ABI3BP: variants seen among roughly 807,000 people sequenced by gnomAD.
The protein encoded by ABI3BP is ABI family member 3 binding protein.
ABI3BP carries 216 observed loss-of-function variants against 268.6 expected under a neutral mutation model. The observed-to-expected ratio is 0.80, with a 90% CI of 0.72 to 0.90. The LOEUF (loss-of-function observed/expected upper bound fraction) is 0.90, where lower values mean the gene tolerates loss of function less well. Among genes scored for constraint, ABI3BP ranks in the 40% least tolerant of loss-of-function variants. ABI3BP has a pLI of 0.00. For missense variants in ABI3BP, 2,090 were observed against 2,182.4 expected (o/e 0.96, Z 0.84); for synonymous variants, 730 against 730.0 (o/e 1.00, Z 0.00).
chr3:100,802,298 T>C (rs968107151), intron 51 of ABI3BP, among the ~76,000 whole-genome samples: 1 of 152,212 alleles, frequency 6.6e-6, no homozygotes, highest in African/African-American at 2.4e-5. Context: ...TTGCTCCTGA[T>C]GACTGAAACC....
intron 17 of ABI3BP, among the ~76,000 whole-genome samples, 199 bp from the exon 18 acceptor site, chr3:100,849,074 T>C (rs1349722244): frequency 6.6e-6 from 1 of 151,952 alleles, no homozygotes; most frequent in Non-Finnish European, 1.5e-5. Flanking sequence ...ATAAAATTTC[T>C]ACATGAGAAT....
intron 66 of ABI3BP, among the ~76,000 whole-genome samples, 189 bp from the exon 67 acceptor site, chr3:100,751,863 A>G (rs1207436566): frequency 6.6e-6 from 1 of 152,182 alleles, no homozygotes; most frequent in Non-Finnish European, 1.5e-5. Flanking sequence ...TCTTTTAAAA[A>G]TGCATGTCAG....
chr3:100,916,380 G>A (rs1282466296), intron 2 of ABI3BP, among the ~76,000 whole-genome samples: 1 of 152,152 alleles, frequency 6.6e-6, no homozygotes. Context: ...GGGGAGTCAG[G>A]AATAATTTAC....
intron 27 of ABI3BP, among the ~76,000 whole-genome samples, chr3:100,836,501 G>A (rs889688824): frequency 1.3e-5 from 2 of 152,170 alleles, no homozygotes; most frequent in East Asian, 3.9e-4. Flanking sequence ...CCACCACTGA[G>A]AGCATCTTCA....
At chr3:100,863,322 CTT>C (rs566804509) in intron 12 of ABI3BP, 12 of 149,718 alleles carry the variant, frequency 8.0e-5, no homozygotes, top group South Asian at 2.0e-4. Flanking sequence ...CCCCCAACCT[CTT>C]TTTTTTTTTT....
At chr3:100,904,576 C>T (rs1278093517) in intron 2 of ABI3BP, among the ~76,000 whole-genome samples, 1 of 152,150 alleles carries the variant, frequency 6.6e-6, no homozygotes, top group African/African-American at 2.4e-5. Context: ...GAGGGGGACA[C>T]ACAGAGCTGT....
intron 29 of ABI3BP, among the ~76,000 whole-genome samples, chr3:100,834,080 C>G (rs1001186918): frequency 1.3e-5 from 2 of 152,134 alleles, no homozygotes; most frequent in Admixed American, 1.3e-4. Context: ...AAGCGATCCT[C>G]CCACCTCATT....
chr3:100,894,956 A>AAAAAAAAAAAAAAAAAAAACAAAC (rs1554076985), intron 4 of ABI3BP, among the ~76,000 whole-genome samples: 1 of 131,440 alleles, frequency 7.6e-6, no homozygotes, highest in Admixed American at 7.6e-5. Flanking sequence ...AAAAAAAAAA[A>AAAAAAAAAAAAAAAAAAAACAAAC]AAAAAAAAAA....
chr3:100,913,017 G>A (rs756951287), intron 2 of ABI3BP, among the ~76,000 whole-genome samples: 43 of 152,322 alleles, frequency 2.8e-4, no homozygotes, highest in Non-Finnish European at 4.4e-4. Flanking sequence ...AGGCAGAGGC[G>A]GGCAGGCCTG....
At chr3:100,868,182 T>G (rs1350393310) in intron 9 of ABI3BP, among the ~76,000 whole-genome samples, 1 of 152,232 alleles carries the variant, frequency 6.6e-6, no homozygotes, top group East Asian at 1.9e-4. Flanking sequence ...ATACAGAACT[T>G]AGATTTCCCA....
intron 22 of ABI3BP, 117 bp downstream of exon 22, chr3:100,840,701 ACT>A: frequency 1.3e-6 from 1 of 798,498 alleles, no homozygotes; most frequent in Non-Finnish European, 1.9e-6. Flanking sequence ...AGAACAGAGC[ACT>A]CACACACACA....
chr3:100,811,322 T>A, intron 47 of ABI3BP, 45 bp from the exon 48 acceptor site: 1 of 1,387,670 alleles, frequency 7.2e-7, no homozygotes, highest in Non-Finnish European at 9.7e-7. Flanking sequence ...TGTAAGATAT[T>A]AAGCTATAGC....
At position 100,751,853 on chromosome 3, in the gene ABI3BP, T is replaced by A. The variant is rs533443746; in HGVS notation, c.5123-179A>T. 2.6e-5 allele frequency among the ~76,000 whole-genome samples: 4 copies of A among 152,360 alleles called. No individual in the cohort carries two copies. In the South Asian group the frequency reaches 8.3e-4, roughly 32 times the overall value. On this transcript the variant is annotated intron_variant, in intron 66 of 67. Transcript: ENST00000471714. ...TCCCCTCCCTTTCAGGGATTAGTGATCTTTTAAAAATGCATGTCAGTTAAT... is the reference window on the plus strand; with the variant it reads ...TCCCCTCCCTTTCAGGGATTAGTGAACTTTTAAAAATGCATGTCAGTTAAT...
intron 9 of ABI3BP, among the ~76,000 whole-genome samples, 162 bp downstream of exon 9, chr3:100,874,679 G>A (rs2099142877): frequency 6.6e-6 from 1 of 152,032 alleles, no homozygotes; most frequent in South Asian, 2.1e-4. Flanking sequence ...CTTATAGAAT[G>A]TTATTTATAA....
intron 25 of ABI3BP, 33 bp downstream of exon 25, chr3:100,838,369 T>C: frequency 6.5e-7 from 1 of 1,532,158 alleles, no homozygotes; most frequent in South Asian, 1.2e-5. Context: ...TGTTTTCCTA[T>C]TTATAGATCA....
intron 66 of ABI3BP, 121 bp downstream of exon 66, chr3:100,752,666 A>G (rs1432882213): frequency 6.6e-6 from 7 of 1,059,646 alleles, no homozygotes; most frequent in Non-Finnish European, 9.5e-6. Context: ...TGCTCAGAGG[A>G]AAACTTGTGT....
rs142302082 is a variant in ABI3BP, at chr3:100,821,239, CTG to C, written c.2888-128_2888-127del. On this transcript the variant is annotated intron_variant, in intron 38 of 67. Coordinates refer to ENST00000471714, the MANE Select transcript of ABI3BP (RefSeq NM_001375547.2). ...AGAATTATATAGCAACCTTTAAAAACTGTTAAAACTAAAAAAGTAGACAGTTG... is the reference window on the plus strand; with the variant it reads ...AGAATTATATAGCAACCTTTAAAAACTTAAAACTAAAAAAGTAGACAGTTG... 5,267 of 771,482 alleles carry C rather than the reference CTG, an allele frequency of 6.8e-3. 203 individuals carry two copies. In the African/African-American group the frequency reaches 0.082, roughly 12 times the overall value. 47.8% of individuals were successfully genotyped at this position (771,482 alleles called of 1,614,324 possible).
In ABI3BP at chr3:100,954,890, A is replaced by G. The variant is rs550951726; in HGVS notation, c.80-28409T>C. On this transcript the variant is annotated intron_variant, in intron 1 of 67. Coordinates refer to ENST00000471714, the MANE Select transcript of ABI3BP (RefSeq NM_001375547.2). ...TGGAAAATGCCTATTAGCAGCTCTC[A>G]TAATTATCAAGAAATAGCATGTCAC... is the stretch of plus-strand genomic sequence containing the variant. 8.5e-5 allele frequency among the ~76,000 whole-genome samples: 13 copies of G among 152,262 alleles called. No homozygotes were observed. The East Asian group carries it at 2.3e-3, about 27-fold the overall frequency.
In ABI3BP at chr3:100,862,925, TAAAG is replaced by T. The variant is rs987804203; in HGVS notation, c.1139-20_1139-17del. 4.6e-6 allele frequency: 7 copies of T among 1,523,254 alleles called. No homozygotes were observed. Among genetic ancestry groups the T allele is most frequent in the African/African-American group, 2.8e-5 (2 of 72,606 alleles). The allele number at this position is 1,523,254 out of a possible 1,614,324, so 94.4% of individuals were successfully genotyped here. ...CTTTTTGGAGCTGTAATGAAACACA[TAAAG>T]AAAGTTACGACCTGAGGTGAAAGTA... is the stretch of plus-strand genomic sequence containing the variant. On this transcript the variant is annotated splice_polypyrimidine_tract_variant and intron_variant, in intron 12 of 67. Coordinates refer to ENST00000471714, the MANE Select transcript of ABI3BP (RefSeq NM_001375547.2).
Sources: allele counts gnomAD v4.1 joint callset (sites outside exome capture counted in the v4.1 genomes callset), GRCh38; gene constraint gnomAD v4.1.1; transcripts MANE v1.5; gene names NCBI Gene and HGNC (gene_info 2026-07-23, HGNC 2026-07-21).